Variants in CIITA observed in about 807,000 individuals in gnomAD.
The protein encoded by CIITA is class II major histocompatibility complex transactivator, also known as MHC class II transactivator.
In CIITA, 72 loss-of-function variants were observed where a neutral mutation model predicts 115.1. The ratio of observed to expected loss-of-function variants is 0.63; its 90% CI spans 0.52 to 0.76. The LOEUF (loss-of-function observed/expected upper bound fraction) is 0.76. Ranked by LOEUF, CIITA falls within the 30% of genes least tolerant of loss-of-function variation. The probability of loss-of-function intolerance (pLI) is 0.00; values close to 1 mark genes in which losing one functional copy is unlikely to be tolerated. For synonymous variants in CIITA, 763 were observed against 635.6 expected (o/e 1.20, Z -3.02); for missense variants, 1,617 against 1,463.8 (o/e 1.10, Z -1.71).
At chr16:10,938,564 G>A (rs1005774846), downstream of CIITA, 4 of 152,312 alleles carry the variant, frequency 2.6e-5, no homozygotes, top group African/African-American at 7.2e-5. The surrounding 1 kb of genome is among the most constrained non-coding windows in gnomAD (Gnocchi z 4.9). Context: ...TTATGGAAAG[G>A]GGCCTGGAGA....
At chr16:10,870,602 A>C (rs1465682883) in intron 1 of CIITA, among the ~76,000 whole-genome samples, 1 of 152,256 alleles carries the variant, frequency 6.6e-6, no homozygotes, top group South Asian at 2.1e-4. Flanking sequence ...AAAAAGAACC[A>C]GGCTGGAGGC....
At chr16:10,876,269 C>G (rs2035836621), upstream of CIITA, among the ~76,000 whole-genome samples, 1 of 152,220 alleles carries the variant, frequency 6.6e-6, no homozygotes, top group Non-Finnish European at 1.5e-5. Context: ...CCTGCTTCGG[C>G]CTCCCAAAAT....
At chr16:10,909,468 T>C (rs2039408647) in intron 12 of CIITA, among the ~76,000 whole-genome samples, 1 of 152,236 alleles carries the variant, frequency 6.6e-6, no homozygotes, top group Non-Finnish European at 1.5e-5. Context: ...TTAACAAGGA[T>C]GCCTTGTGCA....
chr16:10,881,480 G>A (rs775701366), intron 1 of CIITA, among the ~76,000 whole-genome samples: 12 of 152,174 alleles, frequency 7.9e-5, no homozygotes, highest in Non-Finnish European at 1.8e-4. Context: ...CAAGGACAAA[G>A]TCTCTGATTT....
At chr16:10,908,584 G>A in intron 11 of CIITA, 1 of 415,666 alleles carries the variant, frequency 2.4e-6, no homozygotes, top group South Asian at 2.2e-5. Context: ...CTCAGAACTT[G>A]AATCTGATTG....
At chr16:10,890,009 G>A (rs948691212) in intron 1 of CIITA, among the ~76,000 whole-genome samples, 1 of 152,200 alleles carries the variant, frequency 6.6e-6, no homozygotes, top group Non-Finnish European at 1.5e-5. Flanking sequence ...TGGGAACTCA[G>A]ATGGTGTGGA....
intron 1 of CIITA, among the ~76,000 whole-genome samples, chr16:10,867,151 G>A (rs925263133): frequency 2.0e-5 from 3 of 152,144 alleles, no homozygotes; most frequent in African/African-American, 7.2e-5. Context: ...GGCTGAGGCA[G>A]GAGAATTGCT....
At chr16:10,886,930 C>G (rs2037008640) in intron 1 of CIITA, among the ~76,000 whole-genome samples, 2 of 152,200 alleles carry the variant, frequency 1.3e-5, no homozygotes, top group Non-Finnish European at 2.9e-5. Flanking sequence ...ACATTGCAAG[C>G]CTCTTTGGCA....
chr16:10,867,727 A>G (rs1290939599), intron 1 of CIITA, among the ~76,000 whole-genome samples: 1 of 152,130 alleles, frequency 6.6e-6, no homozygotes, highest in Non-Finnish European at 1.5e-5. Context: ...ACCCACTTAC[A>G]AAGAAGTCCT....
At chr16:10,885,990 G>C (rs546406662) in intron 1 of CIITA, among the ~76,000 whole-genome samples, 33 of 151,260 alleles carry the variant, frequency 2.2e-4, no homozygotes, top group African/African-American at 8.0e-4. Flanking sequence ...CCCATACTGG[G>C]TGCCCATTCT....
chr16:10,911,082 GC>G (rs1318837965), intron 13 of CIITA, among the ~76,000 whole-genome samples: 1 of 152,150 alleles, frequency 6.6e-6, no homozygotes, highest in African/African-American at 2.4e-5. Context: ...CCTAGGCAAG[GC>G]TCTAGGGAGT....
In CIITA at chr16:10,929,400, A is replaced by T; in HGVS notation, c.*5545A>T. ...AAGCCAAGGCCAGGCCATCGATTTG[A>T]CACTGCAGGCAGATGAGGTCTTGGG... is the stretch of plus-strand genomic sequence containing the variant. On this transcript the variant is annotated 3_prime_UTR_variant, in exon 20 of 20. Transcript: ENST00000324288. This position sits in a 1 kb window ranked among gnomAD's most constrained non-coding sequence, Gnocchi z 4.3. 5 of 985,856 alleles carry T rather than the reference A, an allele frequency of 5.1e-6. No homozygotes were observed. The highest frequency in any genetic ancestry group is 6.0e-6 in the Non-Finnish European group (5 of 829,946). The allele number at this position is 985,856 out of a possible 1,614,324, so 61.1% of individuals were successfully genotyped here.
At chr16:10,890,565 C>T (rs945216582) in intron 1 of CIITA, among the ~76,000 whole-genome samples, 7 of 152,218 alleles carry the variant, frequency 4.6e-5, no homozygotes, top group East Asian at 1.9e-4. Flanking sequence ...GGAATTTCTA[C>T]AGATGTGAGC....
At chr16:10,869,629 T>G (rs1457595323) in intron 1 of CIITA, among the ~76,000 whole-genome samples, 1 of 152,046 alleles carries the variant, frequency 6.6e-6, no homozygotes, top group Non-Finnish European at 1.5e-5. Flanking sequence ...GCAGTTCTCA[T>G]GCCTCAGCCT....
chr16:10,891,203 G>A (rs1160571212), intron 1 of CIITA, among the ~76,000 whole-genome samples: 2 of 151,940 alleles, frequency 1.3e-5, no homozygotes, highest in African/African-American at 4.8e-5. Flanking sequence ...AGCCCAGACA[G>A]GACAAGGGTG....
chr16:10,881,852 G>C (rs1197016172), intron 1 of CIITA, among the ~76,000 whole-genome samples: 1 of 152,094 alleles, frequency 6.6e-6, no homozygotes, highest in East Asian at 1.9e-4. Context: ...CACCCAGCTC[G>C]TGGTAACTCC....
rs767640224 is a variant in CIITA at position 10,907,208 on chromosome 16, G to A, written c.1716G>A (p.Glu572=). 5.6e-6 allele frequency: 9 copies of A among 1,613,446 alleles called. 1 individual carries two copies. In the Admixed American group the frequency reaches 1.5e-4, roughly 27 times the overall value. The change falls in exon 11 of 20, where the codon GAG becomes GAA. Residue 572 remains glutamate, a synonymous_variant. Transcript: ENST00000324288. The surrounding 1 kb of genome is among the most constrained non-coding windows in gnomAD (Gnocchi z 5.0). The part of the protein sequence containing the change: ...ALFELSGFSM[E]QAQAYVMRYF... ...TTGAGCTGTCCGGCTTCTCCATGGA[G>A]CAGGCCCAGGCATACGTGATGCGCT... is the stretch of plus-strand genomic sequence containing the variant.
At position 10,915,610 on chromosome 16, in the gene CIITA, G is replaced by C; in HGVS notation, c.2929G>C (p.Val977Leu). The part of the protein sequence containing the change: ...VSGPQAFPKL[V>L]RILTAFSSLQ... ...AGGCCCCCAGGCTTTCCCCAAACTG[G>C]TGCGGATCCTCACGGCCTTTTCCTC... The change falls in exon 14 of 20, where the codon GTG becomes CTG. Residue 977 changes from valine (V) to leucine (L), a missense_variant. By Grantham distance (32) the Val-to-Leu change is conservative. Coordinates refer to ENST00000324288, the MANE Select transcript of CIITA (RefSeq NM_000246.4). 1 of 1,614,112 alleles carries C rather than the reference G, an allele frequency of 6.2e-7. No individual in the cohort carries two copies. Among genetic ancestry groups the C allele is most frequent in the Non-Finnish European group, 8.5e-7 (1 of 1,180,000 alleles).
At chr16:10,911,296 TTCCC>T (rs1006752103) in intron 13 of CIITA, among the ~76,000 whole-genome samples, 5 of 143,250 alleles carry the variant, frequency 3.5e-5, no homozygotes, top group East Asian at 2.1e-4. Context: ...TTTTCTTTCC[TTCCC>T]TCCCTCCCTC....
Sources: gnomAD v4.1 joint callset for allele counts (sites outside exome capture counted in the v4.1 genomes callset) on GRCh38, gnomAD v4.1.1 for gene constraint, Gnocchi (gnomAD v3.1) non-coding constraint, MANE v1.5 for transcripts, NCBI Gene and HGNC (gene_info 2026-07-23, HGNC 2026-07-21) for gene names.